The following AMPD1 variants were observed in gnomAD, a reference collection of about 807,000 sequenced individuals.
AMPD1 encodes the protein adenosine monophosphate deaminase 1.
AMPD1 carries 74 observed loss-of-function variants against 82.9 expected under a neutral mutation model. The ratio of observed to expected loss-of-function variants is 0.89; its 90% confidence interval spans 0.74 to 1.08. The LOEUF (loss-of-function observed/expected upper bound fraction) is 1.08. AMPD1 is among the 50% of genes least tolerant of loss of function. The pLI, the probability that AMPD1 is intolerant of heterozygous loss-of-function variation, is 0.00. For synonymous variants in AMPD1, 333 were observed against 320.5 expected, an observed-to-expected ratio of 1.04 and a Z score of -0.42; for missense variants, 881 against 924.5, an observed-to-expected ratio of 0.95 and a Z score of 0.61.
intron 15 of AMPD1, 52 bp downstream of exon 15, chr1:114,673,587 C>G: frequency 2.8e-6 from 4 of 1,439,448 alleles, no homozygotes; most frequent in African/African-American, 1.4e-5. Flanking sequence ...TTTCGGTATT[C>G]AAGTTAGCAG....
intron 8 of AMPD1, 59 bp from the exon 9 acceptor site, chr1:114,678,100 G>A (rs1284858138): frequency 6.2e-7 from 1 of 1,606,848 alleles, no homozygotes; most frequent in Non-Finnish European, 8.5e-7. Flanking sequence ...GACAGAGAGA[G>A]CTAGGAAATA....
At position 114,677,585 on chromosome 1, in the gene AMPD1, T is replaced by C. The variant is rs941978440; in HGVS notation, c.1225-71A>G. On this transcript the variant is annotated intron_variant, in intron 9 of 15. Coordinates refer to ENST00000520113, the MANE Select transcript of AMPD1 (RefSeq NM_000036.3). ...CCTCTGGGGTTCTAGGGAGAGGAGATTCCCTTTCTAACTCTTCCTTTCAGA... is the reference window on the plus strand; with the variant it reads ...CCTCTGGGGTTCTAGGGAGAGGAGACTCCCTTTCTAACTCTTCCTTTCAGA... 3.1e-6 allele frequency: 5 copies of C among 1,589,088 alleles called. No individual in the cohort carries two copies. In the African/African-American group the frequency reaches 4.0e-5, roughly 13 times the overall value.
chr1:114,680,610 T>C, intron 5 of AMPD1, 132 bp from the exon 6 acceptor site: 1 of 746,526 alleles, frequency 1.3e-6, no homozygotes, highest in Admixed American at 2.4e-5. Context: ...TATCTGGAAT[T>C]AAGCTAACCT....
intron 13 of AMPD1, 93 bp from the exon 14 acceptor site, chr1:114,674,175 C>T: frequency 8.3e-7 from 1 of 1,206,430 alleles, no homozygotes; most frequent in Non-Finnish European, 1.2e-6. Flanking sequence ...TAAGCTTCAG[C>T]TTTCAACAAA....
chr1:114,674,113 G>A (rs1455719510), intron 13 of AMPD1, 31 bp from the exon 14 acceptor site: 1 of 1,595,912 alleles, frequency 6.3e-7, no homozygotes, highest in Non-Finnish European at 8.6e-7. Flanking sequence ...AATATTTAAA[G>A]ATGTTGAAAA....
chr1:114,688,606 T>C lies in AMPD1; in HGVS notation c.170A>G (p.His57Arg). The C allele has an allele frequency of 6.2e-7, 1 of 1,614,208 alleles. No homozygotes were observed. The highest frequency in any genetic ancestry group is 2.2e-5 in the East Asian group (1 of 44,884). The change falls in exon 3 of 16, where the codon CAC (histidine) becomes CGC (arginine). Residue 57 changes from histidine (H) to arginine (R), a missense_variant. This residue lies in a region of AMPD1 where 783 missense variants were observed against 786.4 expected (regional missense o/e 1.00). Coordinates refer to ENST00000520113, the MANE Select transcript of AMPD1 (RefSeq NM_000036.3). ...GGACAGAGTCTCCAGATGGAATATG[T>C]GTGCTTGCATCTCATGATGAGAAAT... ...CPISHHEMQA[H>R]IFHLETLSTS...
chr1:114,692,140 A>G (rs1279682679), intron 2 of AMPD1, among the ~76,000 whole-genome samples: 1 of 152,196 alleles, frequency 6.6e-6, no homozygotes, highest in Non-Finnish European at 1.5e-5. Context: ...GGAGATTACT[A>G]TTATTAACAC....
intron 4 of AMPD1, among the ~76,000 whole-genome samples, chr1:114,686,064 G>T (rs142116040): frequency 0.011 from 1,636 of 152,236 alleles, 22 homozygotes; most frequent in Middle Eastern, 0.054. Flanking sequence ...TTGACCAACT[G>T]TTCTGGATGA....
intron 10 of AMPD1, among the ~76,000 whole-genome samples, chr1:114,677,098 CA>C (rs1658006443): frequency 6.6e-6 from 1 of 151,972 alleles, no homozygotes; most frequent in South Asian, 2.1e-4. Context: ...TAGTTTTAAT[CA>C]TTCTCAGTGA....
In AMPD1 at chr1:114,679,560, G is replaced by A. The variant is rs952520164; in HGVS notation, c.897+19C>T. 2.5e-6 allele frequency: 4 copies of A among 1,613,464 alleles called. No individual in the cohort carries two copies. Among genetic ancestry groups the A allele is most frequent in the Non-Finnish European group, 3.4e-6 (4 of 1,179,768 alleles). ...TTGTTTTTGCCCAGGAATTACCCCTGAGCAACTAAAATGTTTACCTTCCTG... is the reference window on the plus strand; with the variant it reads ...TTGTTTTTGCCCAGGAATTACCCCTAAGCAACTAAAATGTTTACCTTCCTG... On this transcript the variant is annotated intron_variant, in intron 7 of 15. Coordinates refer to ENST00000520113, the MANE Select transcript of AMPD1 (RefSeq NM_000036.3).
At chr1:114,679,509 C>A (rs1570842282) in intron 7 of AMPD1, 70 bp downstream of exon 7, 1 of 1,581,304 alleles carries the variant, frequency 6.3e-7, no homozygotes, top group Admixed American at 1.7e-5. Flanking sequence ...ACACTCTTTT[C>A]TTGTGCTTCT....
intron 2 of AMPD1, among the ~76,000 whole-genome samples, chr1:114,692,768 T>G (rs1228361180): frequency 1.3e-5 from 2 of 151,834 alleles, no homozygotes; most frequent in Non-Finnish European, 2.9e-5. Context: ...TTTTTTTTTT[T>G]TTGCGCTGGA....
intron 2 of AMPD1, among the ~76,000 whole-genome samples, chr1:114,690,939 A>G (rs1054137585): frequency 6.6e-6 from 1 of 152,206 alleles, no homozygotes; most frequent in African/African-American, 2.4e-5. Context: ...CTCAGGAAGG[A>G]CAGTATGGAA....
intron 5 of AMPD1, among the ~76,000 whole-genome samples, chr1:114,681,106 G>C (rs1165771010): frequency 1.3e-5 from 2 of 152,088 alleles, no homozygotes; most frequent in African/African-American, 2.4e-5. Context: ...GTCATCAAAG[G>C]CTTTCTGTTT....
chr1:114,681,585 C>T (rs1658159802), intron 5 of AMPD1, among the ~76,000 whole-genome samples: 1 of 108,096 alleles, frequency 9.3e-6, no homozygotes, highest in African/African-American at 3.8e-5. Flanking sequence ...CAGAGTGAGA[C>T]TCCATCTCAA....
chr1:114,686,956 G>T, intron 3 of AMPD1, 46 bp from the exon 4 acceptor site: 1 of 1,585,818 alleles, frequency 6.3e-7, no homozygotes, highest in Non-Finnish European at 8.7e-7. Flanking sequence ...TCTTCATCAG[G>T]CGTTTCATTG....
At chr1:114,676,095 C>T (rs1313407322) in intron 10 of AMPD1, 92 bp from the exon 11 acceptor site, 1 of 1,450,452 alleles carries the variant, frequency 6.9e-7, no homozygotes, top group Non-Finnish European at 9.6e-7. Context: ...GAATGTCATG[C>T]ACAGGAAAAG....
intron 8 of AMPD1, 114 bp from the exon 9 acceptor site, chr1:114,678,155 C>A (rs1290567509): frequency 6.7e-7 from 1 of 1,499,162 alleles, no homozygotes; most frequent in East Asian, 2.3e-5. Context: ...GCATTGGGCT[C>A]CAAGAATGGA....
intron 4 of AMPD1, among the ~76,000 whole-genome samples, chr1:114,684,847 C>T (rs2101720799): frequency 6.6e-6 from 1 of 152,312 alleles, no homozygotes; most frequent in South Asian, 2.1e-4. Flanking sequence ...ATCTCTCAAA[C>T]CCATGCACGG....
Sources: allele counts gnomAD v4.1 joint callset (sites outside exome capture counted in the v4.1 genomes callset), GRCh38; gene constraint gnomAD v4.1.1; regional missense constraint gnomAD v4.1.1; transcripts MANE v1.5; gene names NCBI Gene and HGNC (gene_info 2026-07-23, HGNC 2026-07-21).